The following DNAH9 variants were observed in gnomAD, a reference collection of about 807,000 sequenced individuals.
DNAH9 encodes the protein dynein axonemal heavy chain 9.
A neutral mutation model predicts 471.6 loss-of-function variants in DNAH9; 345 were observed. The ratio of observed to expected loss-of-function variants is 0.73; its 90% CI spans 0.67 to 0.80. The LOEUF (loss-of-function observed/expected upper bound fraction) is 0.80. Among genes scored for constraint, DNAH9 ranks in the 30% least tolerant of loss-of-function variants. The pLI is 0.00. For missense variants in DNAH9, 5,407 were observed against 5,609.2 expected (o/e 0.96, Z 1.15); for synonymous variants, 2,093 against 2,123.6 (o/e 0.99, Z 0.40).
At chr17:11,865,379 C>T (rs375636210) in intron 50 of DNAH9, among the ~76,000 whole-genome samples, 2 of 151,770 alleles carry the variant, frequency 1.3e-5, no homozygotes, top group African/African-American at 2.4e-5. Flanking sequence ...GAGTTTCTGC[C>T]GAGAGATCCG....
chr17:11,850,323 G>A (rs955079793), intron 49 of DNAH9, among the ~76,000 whole-genome samples: 1 of 152,132 alleles, frequency 6.6e-6, no homozygotes, highest in Non-Finnish European at 1.5e-5. Context: ...AGCCCAGAGC[G>A]CCTGTGCCTA....
At chr17:11,866,211 CTGTT>C (rs1215654914) in intron 50 of DNAH9, among the ~76,000 whole-genome samples, 10 of 151,916 alleles carry the variant, frequency 6.6e-5, no homozygotes, top group African/African-American at 2.4e-4. Context: ...GATGTCCTTT[CTGTT>C]TGTTAGTTTT....
At chr17:11,918,729 TA>T (rs200761057) in intron 61 of DNAH9, among the ~76,000 whole-genome samples, 1,836 of 152,042 alleles carry the variant, frequency 0.012, 13 homozygotes, top group South Asian at 0.029. Context: ...CTCATGCCTA[TA>T]ATCCCAGCAC....
chr17:11,657,792 CTT>C (rs1597444335), intron 14 of DNAH9, among the ~76,000 whole-genome samples: 2 of 151,924 alleles, frequency 1.3e-5, no homozygotes, highest in Non-Finnish European at 2.9e-5. Context: ...TTAAAAATAA[CTT>C]TCCCTTTTGA....
Position 11,768,564 on chromosome 17 carries a change from A to G in DNAH9, c.7282A>G (p.Lys2428Glu). 1 of 1,614,142 alleles carries G rather than the reference A, an allele frequency of 6.2e-7. No homozygotes were observed. The highest frequency in any genetic ancestry group is 8.5e-7 in the Non-Finnish European group (1 of 1,180,022). The change falls in exon 37 of 69, where the codon AAA becomes GAA. Residue 2428 changes from lysine (K) to glutamate (E), a missense_variant. By Grantham distance (56) the Lys-to-Glu change is moderately conservative. Coordinates refer to ENST00000262442, the MANE Select transcript of DNAH9 (RefSeq NM_001372.4). Reference sequence around the variant, plus strand: ...CTATTACATCGACCCAGAGACCAAGAAATTCGAGCCTTGGTCCAAGCTCGT... The same window carrying G: ...CTATTACATCGACCCAGAGACCAAGGAATTCGAGCCTTGGTCCAAGCTCGT... ...FDYYIDPETK[K>E]FEPWSKLVPQ...
At chr17:11,955,485 T>C (rs186375539) in intron 67 of DNAH9, among the ~76,000 whole-genome samples, 8 of 152,304 alleles carry the variant, frequency 5.3e-5, no homozygotes, top group Non-Finnish European at 1.2e-4. Flanking sequence ...CCAGATCCAA[T>C]TTTTAAAAAG....
chr17:11,727,801 T>C lies in DNAH9; in HGVS notation c.5710-17T>C. The C allele has an allele frequency of 6.3e-7, 1 of 1,577,548 alleles. No homozygotes were observed. Among genetic ancestry groups the C allele is most frequent in the Non-Finnish European group, 8.7e-7 (1 of 1,146,670 alleles). ...CCTGGCCCGTTGGTAATTTAATCTT[T>C]GTGCATTTTCTTGCAGTCTTGTGGC... On this transcript the variant is annotated splice_polypyrimidine_tract_variant and intron_variant, in intron 27 of 68. Transcript: ENST00000262442.
At chr17:11,742,594 C>T (rs1368199093) in intron 30 of DNAH9, among the ~76,000 whole-genome samples, 2 of 152,070 alleles carry the variant, frequency 1.3e-5, no homozygotes, top group South Asian at 2.1e-4. Context: ...ATTACAGTGG[C>T]CAATAAAAAC....
intron 44 of DNAH9, among the ~76,000 whole-genome samples, chr17:11,809,091 A>T (rs1459353009): frequency 6.6e-6 from 1 of 152,214 alleles, no homozygotes; most frequent in East Asian, 1.9e-4. Flanking sequence ...TTGATACACC[A>T]AAGGAACTGA....
At chr17:11,888,424 G>A (rs1972951898) in intron 57 of DNAH9, among the ~76,000 whole-genome samples, 1 of 152,118 alleles carries the variant, frequency 6.6e-6, no homozygotes, top group Non-Finnish European at 1.5e-5. Flanking sequence ...CACCCCCCTG[G>A]TTCCAAGAGT....
At chr17:11,748,764 GA>G (rs941448567) in intron 32 of DNAH9, among the ~76,000 whole-genome samples, 29 of 152,040 alleles carry the variant, frequency 1.9e-4, no homozygotes, top group African/African-American at 6.5e-4. Flanking sequence ...AGTTGAGGGG[GA>G]AAAAAAGAGG....
chr17:11,941,148 G>A (rs1196323369), intron 66 of DNAH9, among the ~76,000 whole-genome samples: 4 of 152,140 alleles, frequency 2.6e-5, no homozygotes, highest in African/African-American at 7.2e-5. Context: ...AGGGGAAACT[G>A]GGCCCAGTGA....
chr17:11,897,289 AT>A (rs1567884235), intron 59 of DNAH9, among the ~76,000 whole-genome samples: 1 of 152,216 alleles, frequency 6.6e-6, no homozygotes, highest in Non-Finnish European at 1.5e-5. Context: ...AAATATTTGT[AT>A]TGAGATTCCA....
Position 11,704,327 on chromosome 17 carries a change from C to T in DNAH9, c.5276C>T (p.Thr1759Ile). The T allele has an allele frequency of 1.9e-6, 3 of 1,614,166 alleles. No individual in the cohort carries two copies. Among genetic ancestry groups the T allele is most frequent in the Non-Finnish European group, 8.5e-7 (1 of 1,180,034 alleles). The change falls in exon 25 of 69, where the codon ACC (threonine) becomes ATC (isoleucine). Residue 1759 changes from threonine (T) to isoleucine (I), a missense_variant. Thr to Ile is a moderately conservative substitution (Grantham distance 89). Around this residue, in one of 3 missense-constraint regions of DNAH9, gnomAD observed 4,636 missense variants for 4,900.3 expected, o/e 0.95. Coordinates refer to ENST00000262442, the MANE Select transcript of DNAH9 (RefSeq NM_001372.4). ...YYKKQVAQLK[T>I]LITMLIGQLS... ...AAGAAGCAAGTGGCCCAGCTCAAAA[C>T]CCTTATCACCATGCTGATTGGCCAG...
chr17:11,799,721 T>C (rs1969383470), intron 43 of DNAH9, among the ~76,000 whole-genome samples: 1 of 152,090 alleles, frequency 6.6e-6, no homozygotes, highest in Non-Finnish European at 1.5e-5. Flanking sequence ...GTAGCTGGGA[T>C]TACAGGTGCC....
chr17:11,781,860 T>C (rs75868222), intron 39 of DNAH9, among the ~76,000 whole-genome samples: 1 of 114,448 alleles, frequency 8.7e-6, no homozygotes, highest in African/African-American at 4.2e-5. Context: ...AAAAAAAAAC[T>C]ACCAAACACC....
intron 67 of DNAH9, among the ~76,000 whole-genome samples, chr17:11,950,377 T>C (rs1310630546): frequency 6.6e-6 from 1 of 152,204 alleles, no homozygotes; most frequent in Non-Finnish European, 1.5e-5. Context: ...AATTCCTTTG[T>C]ATTGGATATA....
At chr17:11,736,749 A>G (rs2075354274) in intron 28 of DNAH9, among the ~76,000 whole-genome samples, 1 of 152,178 alleles carries the variant, frequency 6.6e-6, no homozygotes, top group African/African-American at 2.4e-5. Context: ...GATGCCTCCA[A>G]TCCAAAAGTG....
In DNAH9 at chr17:11,763,443, TAAG is replaced by T. The variant is rs1555584967; in HGVS notation, c.7004_7006del (p.Lys2335del). ...CCCCTCGGGTCTCTCTTTGCAGGTT[TAAG>T]AAGATCATTCCCATCCCAGAGCAGA... On this transcript the variant is annotated inframe_deletion, in exon 36 of 69. Transcript: ENST00000262442. The T allele has an allele frequency of 6.2e-7, 1 of 1,613,926 alleles. No homozygotes were observed. Among genetic ancestry groups the T allele is most frequent in the Non-Finnish European group, 8.5e-7 (1 of 1,179,900 alleles).
Sources: allele counts gnomAD v4.1 joint callset (sites outside exome capture counted in the v4.1 genomes callset), GRCh38; gene constraint gnomAD v4.1.1; regional missense constraint gnomAD v4.1.1; transcripts MANE v1.5; gene names NCBI Gene and HGNC (gene_info 2026-07-23, HGNC 2026-07-21).